The following TTLL5 variants were observed in gnomAD, a reference collection of about 807,000 sequenced individuals.
TTLL5 encodes tubulin polyglutamylase TTLL5.
Under a neutral mutation model 168.4 loss-of-function variants are expected in TTLL5, and 132 were observed. That is an observed-to-expected ratio of 0.78 (90% confidence interval 0.68 to 0.91). The LOEUF (loss-of-function observed/expected upper bound fraction) is 0.91, where lower values mean the gene tolerates loss of function less well. Ranked by LOEUF, TTLL5 falls within the 40% of genes least tolerant of loss-of-function variation. TTLL5 has a pLI of 0.00. For synonymous variants in TTLL5, 546 were observed against 558.6 expected (o/e 0.98, Z 0.32); for missense variants, 1,545 against 1,581.5 (o/e 0.98, Z 0.39).
At chr14:75,850,363 G>C (rs1216917157) in intron 28 of TTLL5, among the ~76,000 whole-genome samples, 1 of 131,360 alleles carries the variant, frequency 7.6e-6, no homozygotes, top group African/African-American at 2.9e-5. Context: ...CCAAGATCAC[G>C]CCATTGCACT....
intron 27 of TTLL5, among the ~76,000 whole-genome samples, chr14:75,809,349 A>G (rs1314185503): frequency 2.0e-5 from 3 of 152,170 alleles, no homozygotes; most frequent in Admixed American, 6.5e-5. Flanking sequence ...CTCCAAATCT[A>G]TGAGTATCTT....
In TTLL5 at chr14:75,683,663, C is replaced by T. The variant is rs989065366; in HGVS notation, c.371+7C>T. The T allele has an allele frequency of 1.9e-6, 3 of 1,605,462 alleles. No homozygotes were observed. The highest frequency in any genetic ancestry group is 2.6e-6 in the Non-Finnish European group (3 of 1,172,324). On this transcript the variant is annotated splice_region_variant and intron_variant, in intron 5 of 31. Transcript: ENST00000298832. Reference sequence around the variant, plus strand: ...AAGTTAATCACTTTCCCAGGTAATGCTCTTTGTAGCTGCTTTGCTTCATTT... The same window carrying T: ...AAGTTAATCACTTTCCCAGGTAATGTTCTTTGTAGCTGCTTTGCTTCATTT...
chr14:75,750,909 T>C (rs770720270), intron 17 of TTLL5, among the ~76,000 whole-genome samples: 5 of 152,188 alleles, frequency 3.3e-5, no homozygotes, highest in Non-Finnish European at 5.9e-5. Context: ...CCCTTCCTTT[T>C]GTGATGATAT....
At chr14:75,870,538 A>C (rs2030944444) in intron 29 of TTLL5, among the ~76,000 whole-genome samples, 1 of 152,206 alleles carries the variant, frequency 6.6e-6, no homozygotes, top group South Asian at 2.1e-4. Flanking sequence ...CAACACATGC[A>C]GTATCCTGAC....
At chr14:75,858,443 C>G (rs1897241766) in intron 28 of TTLL5, among the ~76,000 whole-genome samples, 3 of 152,106 alleles carry the variant, frequency 2.0e-5, no homozygotes, top group Admixed American at 2.0e-4. Context: ...TTCTGTCTGA[C>G]AAAATGAGAT....
intron 31 of TTLL5, among the ~76,000 whole-genome samples, chr14:75,940,637 A>G (rs2034571922): frequency 6.6e-6 from 1 of 152,184 alleles, no homozygotes; most frequent in Non-Finnish European, 1.5e-5. Flanking sequence ...TATGCCAAAA[A>G]ACCTCTGTCA....
chr14:75,900,615 A>T (rs377426746), intron 30 of TTLL5, among the ~76,000 whole-genome samples: 4 of 151,896 alleles, frequency 2.6e-5, no homozygotes, highest in African/African-American at 9.7e-5. Context: ...GACTGTCCCC[A>T]CCCCTATCCT....
intron 31 of TTLL5, chr14:75,904,194 CA>C: frequency 1.7e-6 from 2 of 1,192,482 alleles, no homozygotes; most frequent in Non-Finnish European, 1.1e-6. Context: ...CTATTCACCT[CA>C]CTCCTCCAAA....
intron 3 of TTLL5, among the ~76,000 whole-genome samples, chr14:75,676,050 G>A (rs901781940): frequency 2.6e-5 from 4 of 152,170 alleles, no homozygotes; most frequent in African/African-American, 9.7e-5. Flanking sequence ...GAGAAGGTCT[G>A]TGTCCCATCT....
chr14:75,901,290 TAC>T (rs769751449), intron 30 of TTLL5, among the ~76,000 whole-genome samples: 24 of 152,332 alleles, frequency 1.6e-4, no homozygotes, highest in African/African-American at 5.3e-4. Flanking sequence ...AGCAACCAGT[TAC>T]ACAGTTTCAT....
At position 75,882,851 on chromosome 14, in the gene TTLL5, C is replaced by T. The variant is rs2140024209; in HGVS notation, c.3689C>T (p.Pro1230Leu). 1 of 1,614,176 alleles carries T rather than the reference C, an allele frequency of 6.2e-7. No individual in the cohort carries two copies. Among genetic ancestry groups the T allele is most frequent in the Non-Finnish European group, 8.5e-7 (1 of 1,180,034 alleles). ...SSCASLVPKP[P>L]PNHEQVLRRA... ...TGCGCCTCCCTGGTTCCCAAACCCC[C>T]ACCCAACCACGAACAAGTGCTCAGA... The change falls in exon 30 of 32, where the codon CCA becomes CTA. Residue 1230 changes from proline (P) to leucine (L), a missense_variant. By Grantham distance (98) the Pro-to-Leu change is moderately conservative. Transcript: ENST00000298832.
At chr14:75,913,182 C>T (rs146014619) in intron 31 of TTLL5, among the ~76,000 whole-genome samples, 7 of 152,296 alleles carry the variant, frequency 4.6e-5, no homozygotes, top group Non-Finnish European at 8.8e-5. Context: ...GGCAGCTAAG[C>T]AGTATTCTCG....
At chr14:75,921,271 T>G (rs1179240914) in intron 31 of TTLL5, among the ~76,000 whole-genome samples, 1 of 152,320 alleles carries the variant, frequency 6.6e-6, no homozygotes, top group East Asian at 1.9e-4. Flanking sequence ...TGCCATTGCT[T>G]TTGGTGTTTT....
At chr14:75,900,150 G>A (rs1432701756) in intron 30 of TTLL5, among the ~76,000 whole-genome samples, 1 of 152,050 alleles carries the variant, frequency 6.6e-6, no homozygotes. Flanking sequence ...GAGAGTTTTT[G>A]GGTCCCATAA....
intron 29 of TTLL5, among the ~76,000 whole-genome samples, chr14:75,877,048 A>G (rs1265838407): frequency 6.6e-6 from 1 of 152,200 alleles, no homozygotes; most frequent in East Asian, 1.9e-4. Context: ...ACACAATCTA[A>G]TGTGGGGAGA....
At chr14:75,886,737 T>G in intron 30 of TTLL5, 3 of 1,598,008 alleles carry the variant, frequency 1.9e-6, no homozygotes, top group Middle Eastern at 1.7e-4. Context: ...CTATTTGTGG[T>G]ATTTCTTCCA....
chr14:75,866,680 T>C (rs925306527), intron 29 of TTLL5, among the ~76,000 whole-genome samples: 9 of 152,222 alleles, frequency 5.9e-5, no homozygotes, highest in Admixed American at 3.9e-4. Flanking sequence ...ATCCAACTTA[T>C]TGAAGGTGTT....
intron 31 of TTLL5, among the ~76,000 whole-genome samples, chr14:75,943,916 C>T (rs1232759811): frequency 6.6e-6 from 1 of 152,046 alleles, no homozygotes; most frequent in African/African-American, 2.4e-5. Flanking sequence ...TTTAAAAATC[C>T]ATGGATGGGC....
intron 29 of TTLL5, among the ~76,000 whole-genome samples, chr14:75,882,335 G>A (rs138053543): frequency 6.0e-4 from 91 of 152,222 alleles, no homozygotes; most frequent in African/African-American, 2.1e-3. Context: ...TTCACGCCTC[G>A]AAAGAGACAT....
Sources: allele counts gnomAD v4.1 joint callset (sites outside exome capture counted in the v4.1 genomes callset), GRCh38; gene constraint gnomAD v4.1.1; transcripts MANE v1.5; gene names NCBI Gene and HGNC (gene_info 2026-07-23, HGNC 2026-07-21).